The following TRPM3 variants were observed in gnomAD, a reference collection of about 807,000 sequenced individuals.
TRPM3 encodes the protein long transient receptor potential channel 3.
In TRPM3, 77 loss-of-function variants were observed where a neutral mutation model predicts 181.2. The observed-to-expected ratio is 0.42, with a 90% CI of 0.35 to 0.51. TRPM3 has a LOEUF of 0.51. Among genes scored for constraint, TRPM3 ranks in the 20% least tolerant of loss-of-function variants. The pLI is 0.01. For synonymous variants in TRPM3, 745 were observed against 796.4 expected (o/e 0.94, Z 1.09); for missense variants, 1,759 against 2,196.7 (o/e 0.80, Z 3.98).
rs866814407 is a variant in TRPM3, at chr9:70,993,077, G to A, written c.177+128101C>T. On this transcript the variant is annotated intron_variant, in intron 1 of 25. Transcript: ENST00000677713. ...TGGTGTGCAGTAAGTAAGGGGTTGC[G>A]GCAGGACCTGAGGGCATAGAGGAGC... Among the ~76,000 whole-genome samples, 4 of 152,270 alleles carry A rather than the reference G, an allele frequency of 2.6e-5. No homozygotes were observed. In the South Asian group the frequency reaches 6.2e-4, roughly 24 times the overall value.
chr9:70,846,497 A>G lies in TRPM3; in HGVS notation c.557T>C (p.Val186Ala). 6.2e-7 allele frequency: 1 copy of G among 1,614,142 alleles called. No homozygotes were observed. ...QLELPKLLIS[V>A]HGGLQNFELQ... ...TTCAAAGTTCTGCAGGCCCCCATGG[A>G]CAGAGATGAGAAGCTTGGGAAGCTC... Residue 186 changes from valine (V) to alanine (A), a missense_variant, in exon 4 of 26, where the codon GTC (valine) becomes GCC (alanine). Physicochemically the swap from Val to Ala is moderately conservative, Grantham distance 64. Coordinates refer to ENST00000677713, the MANE Select transcript of TRPM3 (RefSeq NM_001366145.2).
In TRPM3 at chr9:71,345,525, G is replaced by A. The variant is rs560111159; in HGVS notation, c.183+101128C>T. Reference sequence around the variant, plus strand: ...AAACACCGCATATTCTCACTCATAAGTGGGAGTTGAACATGAGAATACATG... The same window carrying A: ...AAACACCGCATATTCTCACTCATAAATGGGAGTTGAACATGAGAATACATG... On this transcript the variant is annotated intron_variant, in intron 1 of 24. Transcript: ENST00000357533. 9.3e-4 allele frequency among the ~76,000 whole-genome samples: 141 copies of A among 152,104 alleles called. 1 individual carries two copies. Among genetic ancestry groups the A allele is most frequent in the African/African-American group, 3.3e-3 (137 of 41,500 alleles).
intron 1 of TRPM3, among the ~76,000 whole-genome samples, chr9:70,962,558 A>G (rs538670332): frequency 2.2e-4 from 33 of 152,288 alleles, no homozygotes; most frequent in African/African-American, 7.2e-4. Context: ...GTTTCCCCCT[A>G]TCCATGAAAG....
At position 71,317,204 on chromosome 9, in the gene TRPM3, C is replaced by A. The variant is rs146191304; in HGVS notation, c.183+129449G>T. On this transcript the variant is annotated intron_variant, in intron 1 of 24. Transcript: ENST00000357533. ...AAAAATGAACACCTTAAAAAGAGAG[C>A]TGAATCTATCATTTCTAGCAGAAAT... Among the ~76,000 whole-genome samples, 38 of 152,252 alleles carry A rather than the reference C, an allele frequency of 2.5e-4. No homozygotes were observed. In the East Asian group the frequency reaches 7.1e-3, roughly 29 times the overall value.
intron 1 of TRPM3, among the ~76,000 whole-genome samples, chr9:71,023,570 T>C (rs1317025571): frequency 6.6e-6 from 1 of 152,018 alleles, no homozygotes; most frequent in Admixed American, 6.5e-5. Context: ...AGCCCCAAAG[T>C]GGAAACAACC....
At chr9:70,904,070 G>T (rs1417759169) in intron 1 of TRPM3, among the ~76,000 whole-genome samples, 2 of 151,984 alleles carry the variant, frequency 1.3e-5, no homozygotes, top group Non-Finnish European at 2.9e-5. Context: ...AGAAACACAA[G>T]AATTAGCAAG....
At chr9:71,196,262 G>C (rs12005131) in intron 1 of TRPM3, among the ~76,000 whole-genome samples, 36,996 of 146,790 alleles carry the variant, frequency 0.25, 5,294 homozygotes, top group African/African-American at 0.39. Flanking sequence ...TTAATTATTT[G>C]TTTTTCTTTT....
chr9:70,547,071 G>A (rs2045157671), intron 25 of TRPM3, among the ~76,000 whole-genome samples: 1 of 152,164 alleles, frequency 6.6e-6, no homozygotes, highest in African/African-American at 2.4e-5. Flanking sequence ...TAGGGCAGTG[G>A]CAGGAGGAGG....
At chr9:71,359,734 G>A (rs1025402) in intron 1 of TRPM3, among the ~76,000 whole-genome samples, 145,396 of 152,192 alleles carry the variant, frequency 0.96, 69,770 homozygotes, top group East Asian at 1. Flanking sequence ...TTATTTTCAG[G>A]AGTCAGGGCA....
intron 25 of TRPM3, among the ~76,000 whole-genome samples, chr9:70,546,097 T>C (rs1417505129): frequency 6.6e-6 from 1 of 152,182 alleles, no homozygotes; most frequent in Non-Finnish European, 1.5e-5. Flanking sequence ...GTACAAGCAA[T>C]CTGTACTCAG....
intron 1 of TRPM3, among the ~76,000 whole-genome samples, chr9:71,062,181 A>G (rs911454876): frequency 1.3e-5 from 2 of 152,120 alleles, no homozygotes; most frequent in Non-Finnish European, 2.9e-5. Context: ...AACCACCTGC[A>G]ACCCCCAATG....
intron 1 of TRPM3, among the ~76,000 whole-genome samples, chr9:71,155,109 G>C (rs2075920084): frequency 6.6e-6 from 1 of 152,046 alleles, no homozygotes; most frequent in Non-Finnish European, 1.5e-5. Context: ...ACTGAATCCA[G>C]CACACCCCTA....
chr9:70,921,764 C>A (rs768937492), intron 1 of TRPM3, among the ~76,000 whole-genome samples: 1 of 152,206 alleles, frequency 6.6e-6, no homozygotes, highest in Middle Eastern at 3.4e-3. Flanking sequence ...CACCATGTCA[C>A]GGATTGCTAT....
chr9:71,075,663 A>G (rs543418218), intron 1 of TRPM3, among the ~76,000 whole-genome samples: 1 of 152,344 alleles, frequency 6.6e-6, no homozygotes, highest in South Asian at 2.1e-4. Context: ...GTGAGTCATA[A>G]GTAAATCACA....
intron 1 of TRPM3, among the ~76,000 whole-genome samples, chr9:71,318,584 A>C (rs1037987046): frequency 6.6e-6 from 1 of 152,160 alleles, no homozygotes; most frequent in Non-Finnish European, 1.5e-5. Flanking sequence ...GGGAACTAAC[A>C]ATCTGTAACC....
intron 6 of TRPM3, among the ~76,000 whole-genome samples, chr9:70,818,900 C>A (rs2092925324): frequency 6.6e-6 from 1 of 152,186 alleles, no homozygotes; most frequent in Admixed American, 6.5e-5. Context: ...GGTACCAGGG[C>A]TGATGTCCGG....
Position 70,980,917 on chromosome 9 carries a change from T to C in TRPM3, c.178-116406A>G, listed in dbSNP as rs1197234465. ...CCATCCTCTCCTATGTTTTAGGACC[T>C]GAAAAGTGTATTATATTTATTTAAG... On this transcript the variant is annotated intron_variant, in intron 1 of 25. Coordinates refer to ENST00000677713, the MANE Select transcript of TRPM3 (RefSeq NM_001366145.2). 8.5e-5 allele frequency among the ~76,000 whole-genome samples: 13 copies of C among 152,218 alleles called. No homozygotes were observed. The East Asian group carries it at 2.5e-3, about 29-fold the overall frequency.
At chr9:71,173,235 A>T (rs1259171209) in intron 1 of TRPM3, among the ~76,000 whole-genome samples, 1 of 152,190 alleles carries the variant, frequency 6.6e-6, no homozygotes, top group Non-Finnish European at 1.5e-5. Flanking sequence ...AAAATAGGAA[A>T]CTATATCACC....
intron 19 of TRPM3, among the ~76,000 whole-genome samples, chr9:70,609,972 T>G (rs1015411924): frequency 2.6e-5 from 4 of 152,020 alleles, no homozygotes; most frequent in African/African-American, 4.8e-5. Context: ...TTCTACCATA[T>G]CAGGAGGTCG....
Sources: gnomAD v4.1 joint callset for allele counts (sites outside exome capture counted in the v4.1 genomes callset) on GRCh38, gnomAD v4.1.1 for gene constraint, MANE v1.5 for transcripts, NCBI Gene and HGNC (gene_info 2026-07-23, HGNC 2026-07-21) for gene names.